TLK1: variants seen among roughly 807,000 people sequenced by gnomAD.
TLK1 encodes the protein tousled like kinase 1.
A neutral mutation model predicts 105.3 loss-of-function variants in TLK1; 24 were observed. The ratio of observed to expected loss-of-function variants is 0.23; its 90% confidence interval spans 0.17 to 0.32. The LOEUF is 0.32. TLK1 is among the 10% of genes least tolerant of loss of function. The pLI is 1.00. For missense variants in TLK1, 558 were observed against 910.5 expected, an observed-to-expected ratio of 0.61 and a Z score of 4.98; for synonymous variants, 321 against 310.4, an observed-to-expected ratio of 1.03 and a Z score of -0.36.
At chr2:171,090,876 T>A (rs1282837138) in intron 2 of TLK1, among the ~76,000 whole-genome samples, 1 of 152,210 alleles carries the variant, frequency 6.6e-6, no homozygotes, top group Non-Finnish European at 1.5e-5. Flanking sequence ...ACTAAGAAAC[T>A]ATTAAAATTA....
chr2:171,050,304 GAA>G (rs72027962), intron 8 of TLK1, 130 bp from the exon 9 acceptor site: 118 of 415,538 alleles, frequency 2.8e-4, no homozygotes, highest in South Asian at 7.9e-4. Context: ...TATGATACGA[GAA>G]AAAAAAAAAG....
At chr2:171,195,828 C>T (rs1558987707) in intron 1 of TLK1, among the ~76,000 whole-genome samples, 1 of 151,894 alleles carries the variant, frequency 6.6e-6, no homozygotes, top group East Asian at 2.0e-4. Flanking sequence ...GCTGGCAGAT[C>T]ACCTGAGGTC....
At chr2:171,041,236 TA>T (rs1461114400) in intron 11 of TLK1, among the ~76,000 whole-genome samples, 1 of 152,206 alleles carries the variant, frequency 6.6e-6, no homozygotes, top group Non-Finnish European at 1.5e-5. Flanking sequence ...AATTATGAAC[TA>T]AAAACCATGC....
intron 20 of TLK1, 40 bp downstream of exon 20, chr2:170,996,612 GA>G (rs1218288488): frequency 6.5e-7 from 1 of 1,538,002 alleles, no homozygotes; most frequent in Non-Finnish European, 8.9e-7. Context: ...ACTGATGAAA[GA>G]AAAGTTACTT....
intron 1 of TLK1, among the ~76,000 whole-genome samples, chr2:171,221,345 C>A (rs72878945): frequency 0.053 from 8,005 of 152,232 alleles, 318 homozygotes; most frequent in Non-Finnish European, 0.076. Flanking sequence ...GAGCTGGATG[C>A]TCGGCGTATG....
chr2:171,049,205 TTGTACCCCGAACCTCAGTATCAA>T (rs1575551417), intron 10 of TLK1, among the ~76,000 whole-genome samples: 3 of 152,258 alleles, frequency 2.0e-5, no homozygotes, highest in East Asian at 3.9e-4. Context: ...GTGGGTTCAA[TTGTACCCCGAACCTCAGTATCAA>T]GCAATATACC....
intron 13 of TLK1, among the ~76,000 whole-genome samples, chr2:171,012,972 A>C (rs1684991858): frequency 6.6e-6 from 1 of 151,752 alleles, no homozygotes; most frequent in Admixed American, 6.6e-5. Flanking sequence ...TTTTCGGAAC[A>C]GTTAGTCTTA....
intron 3 of TLK1, among the ~76,000 whole-genome samples, chr2:171,074,148 T>G (rs899284737): frequency 6.6e-6 from 1 of 152,044 alleles, no homozygotes; most frequent in African/African-American, 2.4e-5. Flanking sequence ...GCCTCAGTCT[T>G]CCAAACTGCT....
At chr2:171,103,515 T>C (rs983714729) in intron 2 of TLK1, among the ~76,000 whole-genome samples, 4 of 152,092 alleles carry the variant, frequency 2.6e-5, no homozygotes, top group African/African-American at 9.7e-5. Context: ...GTGGTGGGAT[T>C]ACAGGCATGA....
At chr2:171,004,310 C>T (rs1244293897) in intron 18 of TLK1, among the ~76,000 whole-genome samples, 1 of 151,516 alleles carries the variant, frequency 6.6e-6, no homozygotes, top group Non-Finnish European at 1.5e-5. Context: ...TGAGATTTTT[C>T]AAATTGTTGC....
chr2:171,114,261 C>A (rs889257425), intron 2 of TLK1, among the ~76,000 whole-genome samples: 1 of 152,098 alleles, frequency 6.6e-6, no homozygotes, highest in African/African-American at 2.4e-5. Context: ...CAATGATACA[C>A]ACACCCTAAA....
chr2:171,230,893 A>G (rs1693983970), intron 1 of TLK1, among the ~76,000 whole-genome samples: 1 of 152,228 alleles, frequency 6.6e-6, no homozygotes, highest in Non-Finnish European at 1.5e-5. Flanking sequence ...TTCAGTTTCC[A>G]CTATCAAGTG....
At chr2:171,183,725 C>T (rs1692970647) in intron 1 of TLK1, among the ~76,000 whole-genome samples, 1 of 152,114 alleles carries the variant, frequency 6.6e-6, no homozygotes, top group Admixed American at 6.6e-5. Context: ...GGTTTCTTAT[C>T]CTATCCAGGA....
intron 2 of TLK1, among the ~76,000 whole-genome samples, chr2:171,098,880 T>TCTGC (rs1160346969): frequency 1.3e-5 from 2 of 152,076 alleles, no homozygotes; most frequent in Non-Finnish European, 2.9e-5. Flanking sequence ...AGAAAAAATG[T>TCTGC]CTGCCAAAAC....
At chr2:171,152,202 A>T (rs898997618) in intron 1 of TLK1, among the ~76,000 whole-genome samples, 1 of 152,260 alleles carries the variant, frequency 6.6e-6, no homozygotes, top group Non-Finnish European at 1.5e-5. Context: ...AATTCTTAAC[A>T]ATCCACATAG....
intron 14 of TLK1, among the ~76,000 whole-genome samples, chr2:171,010,046 T>C (rs192123384): frequency 6.6e-6 from 1 of 152,314 alleles, no homozygotes; most frequent in East Asian, 1.9e-4. Flanking sequence ...TTATAAAAAG[T>C]TCACTCTAGT....
intron 2 of TLK1, among the ~76,000 whole-genome samples, chr2:171,116,712 A>T (rs1020410335): frequency 2.0e-5 from 3 of 152,056 alleles, no homozygotes; most frequent in African/African-American, 7.2e-5. Context: ...AAAAAAAAAA[A>T]AGAAGAAATG....
intron 3 of TLK1, among the ~76,000 whole-genome samples, chr2:171,075,038 T>C (rs915200838): frequency 6.6e-6 from 1 of 151,770 alleles, no homozygotes; most frequent in African/African-American, 2.4e-5. Context: ...AAAAAAAAGA[T>C]TTCTCCAGGT....
intron 1 of TLK1, among the ~76,000 whole-genome samples, chr2:171,156,507 G>A (rs1692240574): frequency 6.6e-6 from 1 of 152,210 alleles, no homozygotes; most frequent in African/African-American, 2.4e-5. Context: ...GAGGCCAAAA[G>A]GCTAAAGCAT....
Sources: allele counts gnomAD v4.1 joint callset (sites outside exome capture counted in the v4.1 genomes callset), GRCh38; gene constraint gnomAD v4.1.1; transcripts MANE v1.5; gene names NCBI Gene and HGNC (gene_info 2026-07-23, HGNC 2026-07-21).